DDX25: variants seen among roughly 807,000 people sequenced by gnomAD.
The protein encoded by DDX25 is DEAD-box helicase 25, also known as ATP-dependent RNA helicase DDX25.
Under a neutral mutation model 64.6 loss-of-function variants are expected in DDX25, and 70 were observed. That is an observed-to-expected ratio of 1.08 (90% confidence interval 0.89 to 1.32). The LOEUF is 1.32. Among genes scored for constraint, DDX25 ranks in the 40% most tolerant of loss-of-function variants. DDX25 has a pLI of 0.00. For synonymous variants in DDX25, 211 were observed against 213.3 expected (o/e 0.99, Z 0.09); for missense variants, 587 against 604.4 (o/e 0.97, Z 0.30).
Position 125,905,584 on chromosome 11 carries a change from T to A in DDX25, c.162T>A (p.Asp54Glu). Residue 54 changes from aspartate to glutamate, a missense_variant, in exon 3 of 12, where the codon GAT becomes GAA. Asp to Glu is a conservative substitution (Grantham distance 45). Coordinates refer to ENST00000263576, the MANE Select transcript of DDX25 (RefSeq NM_013264.5). Reference protein sequence around the residue: ...DGSINNINEDDEEDVVDLAAN... With the variant: ...DGSINNINEDEEEDVVDLAAN... ...CTATTAATAACATCAATGAAGATGA[T>A]GAAGAAGATGTAGGTAGGAGATGAA... is the stretch of plus-strand genomic sequence containing the variant. 1 of 1,551,754 alleles carries A rather than the reference T, an allele frequency of 6.4e-7. No homozygotes were observed. Among genetic ancestry groups the A allele is most frequent in the Non-Finnish European group, 8.7e-7 (1 of 1,146,874 alleles).
In DDX25 at chr11:125,917,024, TCCGAATG is replaced by T; in HGVS notation, c.814_820del (p.Glu272LysfsTer36). ...TCTCCTCTATCACAGAGCTCTACCCTCCGAATGCCAAATGCTCCTCTTTTCAGCAACC... is the reference window on the plus strand; with the variant it reads ...TCTCCTCTATCACAGAGCTCTACCCTCCAAATGCTCCTCTTTTCAGCAACC... On this transcript the variant is annotated frameshift_variant, in exon 9 of 12. Transcript: ENST00000263576. LOFTEE classifies it high-confidence loss of function. The T allele has an allele frequency of 6.3e-7, 1 of 1,594,124 alleles. No homozygotes were observed. Among genetic ancestry groups the T allele is most frequent in the Non-Finnish European group, 8.5e-7 (1 of 1,170,082 alleles).
At chr11:125,911,817 G>GT (rs767140713) in intron 8 of DDX25, among the ~76,000 whole-genome samples, 10 of 152,200 alleles carry the variant, frequency 6.6e-5, no homozygotes, top group Non-Finnish European at 1.2e-4. Context: ...TTAAAGCCTA[G>GT]TGAGAATACA....
Position 125,910,473 on chromosome 11 carries a change from A to C in DDX25, c.617A>C (p.Asn206Thr). ...DVQVMYAIRG[N>T]RIPRGTDITK... ...CAAGTGATGTATGCCATTCGAGGGA[A>C]TCGAAGTATGTACCAGTAAGCCAGT... Residue 206 changes from asparagine (N) to threonine (T), a missense_variant, in exon 7 of 12, where the codon AAT becomes ACT. Coordinates refer to ENST00000263576, the MANE Select transcript of DDX25 (RefSeq NM_013264.5). The C allele has an allele frequency of 6.2e-7, 1 of 1,613,752 alleles. No homozygotes were observed. Among genetic ancestry groups the C allele is most frequent in the African/African-American group, 1.3e-5 (1 of 75,050 alleles).
chr11:125,917,942 G>T (rs1278140959), intron 9 of DDX25, among the ~76,000 whole-genome samples: 1 of 152,130 alleles, frequency 6.6e-6, no homozygotes, highest in African/African-American at 2.4e-5. Context: ...GCAATGGCAT[G>T]ATCTCAGCTC....
chr11:125,914,061 GTCTC>G (rs778137174), intron 8 of DDX25, among the ~76,000 whole-genome samples: 22 of 152,178 alleles, frequency 1.4e-4, no homozygotes, highest in African/African-American at 4.8e-4. Context: ...ATCTTCAGTT[GTCTC>G]TCTGAGAACA....
At chr11:125,915,195 G>A (rs1337747474) in intron 8 of DDX25, among the ~76,000 whole-genome samples, 2 of 152,172 alleles carry the variant, frequency 1.3e-5, no homozygotes, top group African/African-American at 2.4e-5. Context: ...TATGTTGGTT[G>A]ATCAGCCGTC....
chr11:125,916,568 T>G (rs1461482328), intron 8 of DDX25, among the ~76,000 whole-genome samples: 1 of 152,244 alleles, frequency 6.6e-6, no homozygotes, highest in Non-Finnish European at 1.5e-5. Flanking sequence ...TATCTAGTTC[T>G]TCCCATTCTG....
intron 6 of DDX25, among the ~76,000 whole-genome samples, chr11:125,908,723 C>T (rs1437869380): frequency 2.0e-5 from 3 of 152,166 alleles, no homozygotes; most frequent in Non-Finnish European, 4.4e-5. Context: ...CTCCCACTTA[C>T]TAACTGAATG....
chr11:125,909,638 C>T (rs1056862484), intron 6 of DDX25, among the ~76,000 whole-genome samples: 13 of 150,218 alleles, frequency 8.7e-5, no homozygotes, highest in African/African-American at 2.2e-4. Flanking sequence ...GGAGTGTTCC[C>T]GAAATAGGCA....
At chr11:125,912,905 C>A (rs1944983798) in intron 8 of DDX25, among the ~76,000 whole-genome samples, 1 of 152,144 alleles carries the variant, frequency 6.6e-6, no homozygotes, top group African/African-American at 2.4e-5. Context: ...CGCCAGTAGT[C>A]CCAGCACTTT....
intron 6 of DDX25, among the ~76,000 whole-genome samples, chr11:125,909,210 A>G (rs1467537064): frequency 6.6e-6 from 1 of 152,194 alleles, no homozygotes; most frequent in Non-Finnish European, 1.5e-5. Flanking sequence ...GGGGAATACC[A>G]AGGCTCTCTC....
chr11:125,920,948 A>G (rs1945104873), intron 10 of DDX25: 4 of 479,116 alleles, frequency 8.3e-6, no homozygotes, highest in Non-Finnish European at 1.5e-5. Context: ...ACACACACAC[A>G]CACACGCCTT....
upstream of DDX25, chr11:125,904,348 T>G: frequency 1.9e-6 from 1 of 513,170 alleles, no homozygotes; most frequent in East Asian, 3.6e-5. Flanking sequence ...CCTCCGCCCC[T>G]TCCGCGCGCC....
chr11:125,910,333 T>C (rs1226863846), intron 6 of DDX25, 31 bp from the exon 7 acceptor site: 1 of 1,587,690 alleles, frequency 6.3e-7, no homozygotes, highest in Admixed American at 1.7e-5. Context: ...TAAGAACCTT[T>C]CTCCTCCCCT....
rs1195824266 is a variant in DDX25, at chr11:125,924,086, G to GA, written c.*1208dup. The GA allele has an allele frequency of 6.6e-6, 1 of 152,222 alleles. No homozygotes were observed. The highest frequency in any genetic ancestry group is 1.5e-5 in the Non-Finnish European group (1 of 68,082). The allele number at this position is 152,222 out of a possible 1,614,324, so 9.4% of individuals were successfully genotyped here. On this transcript the variant is annotated 3_prime_UTR_variant, in exon 12 of 12. Transcript: ENST00000263576. ...TTAAGACCAGCCTTACCAACATGGTGAAACCCCTTCTCTACTAAAAATATA... is the reference window on the plus strand; with the variant it reads ...TTAAGACCAGCCTTACCAACATGGTGAAAACCCCTTCTCTACTAAAAATATA...
rs746583084 is a variant in DDX25 at position 125,908,411 on chromosome 11, C to T, written c.415C>T (p.Leu139Phe). The T allele has an allele frequency of 1.2e-6, 2 of 1,613,976 alleles. No homozygotes were observed. The highest frequency in any genetic ancestry group is 2.2e-5 in the East Asian group (1 of 44,868). The change falls in exon 6 of 12, where the codon CTC (leucine) becomes TTC (phenylalanine). Residue 139 changes from leucine (L) to phenylalanine (F), a missense_variant. Physicochemically the swap from Leu to Phe is conservative, Grantham distance 22. Coordinates refer to ENST00000263576, the MANE Select transcript of DDX25 (RefSeq NM_013264.5). ...TTCTCTTTTCTACAGACCCCAGAAC[C>T]TCATAGCACAGAGCCAGTCTGGAAC... is the stretch of plus-strand genomic sequence containing the variant. ...PMMLAHPPQNLIAQSQSGTGK... is the reference protein window; with the variant it reads ...PMMLAHPPQNFIAQSQSGTGK...
At chr11:125,922,528 C>T (rs1340705934) in intron 11 of DDX25, 2 of 319,978 alleles carry the variant, frequency 6.3e-6, no homozygotes, top group East Asian at 1.0e-4. Flanking sequence ...GCTTCTAAGG[C>T]CCTGGTCTCA....
rs769094618 is a variant in DDX25, at chr11:125,904,541, C to A, written c.24C>A (p.Gly8=). 2.7e-6 allele frequency: 4 copies of A among 1,498,674 alleles called. No individual in the cohort carries two copies. In the South Asian group the frequency reaches 3.9e-5, roughly 15 times the overall value. 92.8% of individuals were successfully genotyped at this position (1,498,674 alleles called of 1,614,324 possible). A position where few individuals can be genotyped will look rare whatever the true frequency, so the allele number is the denominator to read the frequency against. The change falls in exon 1 of 12, where the codon GGC becomes GGA. Residue 8 remains glycine, a synonymous_variant. Coordinates refer to ENST00000263576, the MANE Select transcript of DDX25 (RefSeq NM_013264.5). ...CCATGGCGTCGTTACTGTGGGGAGG[C>A]GACGCAGGGGCGGCGGAGAGCGAGC... The part of the protein sequence containing the change: MASLLWG[G]DAGAAESERL...
chr11:125,919,363 G>C (rs1945081726), intron 10 of DDX25, among the ~76,000 whole-genome samples: 1 of 152,178 alleles, frequency 6.6e-6, no homozygotes, highest in Non-Finnish European at 1.5e-5. Context: ...ATAAGAAGCT[G>C]TAAAACTCTT....
Sources: allele counts gnomAD v4.1 joint callset (sites outside exome capture counted in the v4.1 genomes callset), GRCh38; gene constraint gnomAD v4.1.1; transcripts MANE v1.5; gene names NCBI Gene and HGNC (gene_info 2026-07-23, HGNC 2026-07-21).